The following GALNT13 variants were observed in gnomAD, a reference collection of about 807,000 sequenced individuals.
GALNT13 encodes the protein UDP-GalNAc:polypeptide N-acetylgalactosaminyltransferase 13.
GALNT13 carries 28 observed loss-of-function variants against 64.2 expected under a neutral mutation model. The ratio of observed to expected loss-of-function variants is 0.44; its 90% CI spans 0.32 to 0.60. The LOEUF is 0.60. Ranked by LOEUF, GALNT13 falls within the 20% of genes least tolerant of loss-of-function variation. The probability of loss-of-function intolerance (pLI) is 0.05; values close to 1 mark genes in which losing one functional copy is unlikely to be tolerated. For synonymous variants in GALNT13, 214 were observed against 224.6 expected (o/e 0.95, Z 0.42); for missense variants, 577 against 669.8 (o/e 0.86, Z 1.53).
chr2:153,588,665 C>A, the GALNT13 span, among the ~76,000 whole-genome samples: 1 of 152,142 alleles, frequency 6.6e-6, no homozygotes, highest in Admixed American at 6.5e-5. Context: ...AGACATTGTC[C>A]CTATTGTCTT....
intron 9 of GALNT13, among the ~76,000 whole-genome samples, chr2:154,322,121 G>C (rs1015256691): frequency 1.2e-4 from 10 of 82,274 alleles, no homozygotes; most frequent in African/African-American, 3.2e-4. Flanking sequence ...TTTTGAGTTT[G>C]AGTTTACTTT....
the GALNT13 span, among the ~76,000 whole-genome samples, chr2:153,789,253 C>G: frequency 6.6e-6 from 1 of 152,108 alleles, no homozygotes; most frequent in Non-Finnish European, 1.5e-5. Context: ...AACACACTCT[C>G]AGACCACAGC....
chr2:153,577,029 G>A, the GALNT13 span, among the ~76,000 whole-genome samples: 156 of 152,100 alleles, frequency 1.0e-3, 1 homozygote, highest in Non-Finnish European at 3.2e-4. Context: ...GAAGTGGAAC[G>A]GATATGTGTG....
the GALNT13 span, among the ~76,000 whole-genome samples, chr2:153,604,851 G>A: frequency 6.6e-6 from 1 of 152,030 alleles, no homozygotes; most frequent in African/African-American, 2.4e-5. Flanking sequence ...CCCTCTGCTA[G>A]CTATTGAGGC....
At chr2:154,005,214 T>A (rs577899285) in intron 3 of GALNT13, among the ~76,000 whole-genome samples, 1 of 152,228 alleles carries the variant, frequency 6.6e-6, no homozygotes, top group African/African-American at 2.4e-5. Flanking sequence ...AAATTGCTGT[T>A]ATATTGGTAT....
At chr2:154,444,694 T>C (rs530852347) in intron 12 of GALNT13, among the ~76,000 whole-genome samples, 10 of 152,270 alleles carry the variant, frequency 6.6e-5, no homozygotes, top group African/African-American at 2.4e-4. Flanking sequence ...GACATTGATG[T>C]TCAGAGATAT....
chr2:153,220,399 G>A, the GALNT13 span, among the ~76,000 whole-genome samples: 9 of 152,220 alleles, frequency 5.9e-5, no homozygotes, highest in Non-Finnish European at 1.2e-4. Flanking sequence ...TGTGCATTAA[G>A]AGGCAAAATG....
At chr2:153,640,924 AT>A in the GALNT13 span, among the ~76,000 whole-genome samples, 19 of 150,908 alleles carry the variant, frequency 1.3e-4, no homozygotes, top group East Asian at 1.6e-3. Flanking sequence ...ATAAAATAGA[AT>A]TTTTTTTTTC....
At chr2:154,298,541 TA>T (rs1272537079) in intron 8 of GALNT13, among the ~76,000 whole-genome samples, 1 of 90,670 alleles carries the variant, frequency 1.1e-5, no homozygotes, top group Admixed American at 1.3e-4. Context: ...TGTATATATT[TA>T]TATATAAATT....
At chr2:153,735,473 T>C in the GALNT13 span, among the ~76,000 whole-genome samples, 3 of 152,142 alleles carry the variant, frequency 2.0e-5, no homozygotes, top group Non-Finnish European at 2.9e-5. Flanking sequence ...TAGCATGTTA[T>C]GATGATACTG....
At chr2:154,151,350 G>A (rs761990166) in intron 4 of GALNT13, among the ~76,000 whole-genome samples, 2 of 152,034 alleles carry the variant, frequency 1.3e-5, no homozygotes, top group Non-Finnish European at 2.9e-5. Context: ...TTACTTCCAA[G>A]TATGTGGTCA....
the GALNT13 span, among the ~76,000 whole-genome samples, chr2:153,088,831 C>G: frequency 6.6e-6 from 1 of 152,060 alleles, no homozygotes; most frequent in African/African-American, 2.4e-5. Context: ...ATATCTTTTA[C>G]CACCCCTTTA....
At chr2:153,424,265 C>G in the GALNT13 span, among the ~76,000 whole-genome samples, 1 of 151,012 alleles carries the variant, frequency 6.6e-6, no homozygotes, top group South Asian at 2.1e-4. Flanking sequence ...AAAAGCAAAA[C>G]TAGATGTTTA....
At chr2:153,895,066 A>C (rs576651931) in intron 1 of GALNT13, among the ~76,000 whole-genome samples, 17 of 152,272 alleles carry the variant, frequency 1.1e-4, no homozygotes, top group African/African-American at 4.1e-4. Flanking sequence ...AAAATTGCTA[A>C]ATCTATGGGA....
chr2:154,129,678 A>ATC (rs1264790797), intron 3 of GALNT13, among the ~76,000 whole-genome samples: 1 of 152,032 alleles, frequency 6.6e-6, no homozygotes, highest in East Asian at 1.9e-4. Context: ...CTTTATATTT[A>ATC]TCTTTATATT....
the GALNT13 span, among the ~76,000 whole-genome samples, chr2:153,647,623 A>G: frequency 6.6e-6 from 1 of 152,264 alleles, no homozygotes; most frequent in African/African-American, 2.4e-5. Flanking sequence ...TCTTTAATCC[A>G]TCTTGAATTA....
intron 4 of GALNT13, chr2:154,236,310 T>G (rs573027305): frequency 4.5e-4 from 137 of 303,154 alleles, no homozygotes; most frequent in African/African-American, 3.1e-3. Flanking sequence ...GGTAAAGTAC[T>G]TGAGTAACCA....
chr2:153,520,669 A>G, the GALNT13 span, among the ~76,000 whole-genome samples: 2 of 152,314 alleles, frequency 1.3e-5, no homozygotes, highest in East Asian at 1.9e-4. Context: ...TTTTCCTGCT[A>G]TTGACTGCCC....
chr2:153,348,876 G>A, the GALNT13 span, among the ~76,000 whole-genome samples: 1 of 152,188 alleles, frequency 6.6e-6, no homozygotes, highest in Non-Finnish European at 1.5e-5. Context: ...GCATCACAGA[G>A]CTTAGGGGAT....
Sources: allele counts gnomAD v4.1 joint callset (sites outside exome capture counted in the v4.1 genomes callset), GRCh38; gene constraint gnomAD v4.1.1; transcripts MANE v1.5; gene names NCBI Gene and HGNC (gene_info 2026-07-23, HGNC 2026-07-21).